The following GALK2 variants were observed in gnomAD, a reference collection of about 807,000 sequenced individuals.
GALK2 encodes galactokinase 2, also known as N-acetylgalactosamine kinase.
Under a neutral mutation model 52.4 loss-of-function variants are expected in GALK2, and 36 were observed. The ratio of observed to expected loss-of-function variants is 0.69; its 90% confidence interval spans 0.53 to 0.91. GALK2 has a LOEUF of 0.91. Among genes scored for constraint, GALK2 ranks in the 40% least tolerant of loss-of-function variants. GALK2 has a pLI of 0.00. For missense variants in GALK2, 579 were observed against 559.1 expected (o/e 1.04, Z -0.36); for synonymous variants, 176 against 199.1 (o/e 0.88, Z 0.98).
intron 3 of GALK2, among the ~76,000 whole-genome samples, chr15:49,354,755 G>C (rs902017451): frequency 7.2e-5 from 11 of 152,192 alleles, no homozygotes; most frequent in Admixed American, 4.6e-4. Context: ...AAGGAGGCCT[G>C]CCTGCCTCTG....
intron 1 of GALK2, 32 bp from the exon 2 acceptor site, chr15:49,201,130 G>C (rs749013847): frequency 8.6e-7 from 1 of 1,161,452 alleles, no homozygotes. Flanking sequence ...TCTGTTATAT[G>C]ATATTCTGAA....
At chr15:49,210,963 ACACACACACT>A (rs958682445) in intron 2 of GALK2, among the ~76,000 whole-genome samples, 18 of 113,490 alleles carry the variant, frequency 1.6e-4, no homozygotes, top group African/African-American at 3.1e-4. Context: ...GCTGTCACAC[ACACACACACT>A]CACACACACA....
Position 49,272,563 on chromosome 15 carries a change from A to G in GALK2, c.505-9424A>G, listed in dbSNP as rs189197506. 9.9e-4 allele frequency among the ~76,000 whole-genome samples: 151 copies of G among 152,328 alleles called. 1 individual carries two copies. The highest frequency in any genetic ancestry group is 1.8e-3 in the Non-Finnish European group (123 of 68,034). ...TGCGTGTGAAGACTGCACTTGGAGT[A>G]GCAGAGTATACTGTACTCTTTTCTC... is the stretch of plus-strand genomic sequence containing the variant. On this transcript the variant is annotated intron_variant, in intron 5 of 9. Coordinates refer to ENST00000560031, the MANE Select transcript of GALK2 (RefSeq NM_002044.4).
chr15:49,362,274 A>G (rs1246407118), intron 3 of GALK2, among the ~76,000 whole-genome samples: 2 of 152,006 alleles, frequency 1.3e-5, no homozygotes, highest in South Asian at 4.2e-4. Context: ...TTCTCATGAG[A>G]TACGCTGGCT....
upstream of GALK2, chr15:49,170,231 GA>G (rs2084969100): frequency 2.6e-6 from 4 of 1,534,950 alleles, no homozygotes; most frequent in Non-Finnish European, 3.5e-6. Flanking sequence ...TCTCCCGGAA[GA>G]AAACGGCTCC....
At chr15:49,227,555 G>C (rs10431777) in intron 3 of GALK2, among the ~76,000 whole-genome samples, 1 of 151,396 alleles carries the variant, frequency 6.6e-6, no homozygotes, top group African/African-American at 2.4e-5. Flanking sequence ...TTTGTAGGGG[G>C]CTTATTATAG....
intron 8 of GALK2, among the ~76,000 whole-genome samples, chr15:49,311,353 T>C (rs1261566127): frequency 6.6e-6 from 1 of 152,206 alleles, no homozygotes; most frequent in African/African-American, 2.4e-5. Flanking sequence ...AATTTAAACA[T>C]CTTAGCATGA....
chr15:49,335,068 A>G (rs1274891774), downstream of GALK2, among the ~76,000 whole-genome samples: 1 of 152,114 alleles, frequency 6.6e-6, no homozygotes, highest in Non-Finnish European at 1.5e-5. Context: ...GCTCCAGGGA[A>G]TTCCTTCCAC....
chr15:49,167,782 A>C (rs1425652528), upstream of GALK2, among the ~76,000 whole-genome samples: 1 of 152,274 alleles, frequency 6.6e-6, no homozygotes, highest in Non-Finnish European at 1.5e-5. Flanking sequence ...TTAAAGAGAC[A>C]ATAATATACG....
chr15:49,354,336 G>C (rs540526837), intron 3 of GALK2, among the ~76,000 whole-genome samples: 16 of 152,302 alleles, frequency 1.1e-4, no homozygotes, highest in South Asian at 4.1e-4. Context: ...CTGAGGTACC[G>C]GGTTCATCTC....
Sources: gnomAD v4.1 joint callset for allele counts (sites outside exome capture counted in the v4.1 genomes callset) on GRCh38, gnomAD v4.1.1 for gene constraint, MANE v1.5 for transcripts, NCBI Gene and HGNC (gene_info 2026-07-23, HGNC 2026-07-21) for gene names.